Variants in SLC25A33 observed in about 807,000 individuals in gnomAD.
SLC25A33 encodes the protein bone marrow stromal cell mitochondrial carrier protein.
Under a neutral mutation model 35.5 loss-of-function variants are expected in SLC25A33, and 15 were observed. The observed-to-expected ratio is 0.42, with a 90% CI of 0.28 to 0.65. The LOEUF (loss-of-function observed/expected upper bound fraction) is 0.65. Among genes scored for constraint, SLC25A33 ranks in the 30% least tolerant of loss-of-function variants. The pLI, the probability that SLC25A33 is intolerant of heterozygous loss-of-function variation, is 0.20. For synonymous variants in SLC25A33, 136 were observed against 148.7 expected, an observed-to-expected ratio of 0.91 and a Z score of 0.62; for missense variants, 257 against 398.5, an observed-to-expected ratio of 0.64 and a Z score of 3.02.
At chr1:9,565,188 C>T (rs992828589) in intron 2 of SLC25A33, among the ~76,000 whole-genome samples, 2 of 152,058 alleles carry the variant, frequency 1.3e-5, no homozygotes, top group South Asian at 2.1e-4. Context: ...GTGATGGTTG[C>T]ACAACAGTGT....
chr1:9,566,061 A>G (rs774609505), intron 2 of SLC25A33, among the ~76,000 whole-genome samples: 2 of 151,822 alleles, frequency 1.3e-5, no homozygotes, highest in Non-Finnish European at 2.9e-5. Context: ...TTTTTGAGAC[A>G]AGGGGTCTCT....
Position 9,582,735 on chromosome 1 carries a change from C to T in SLC25A33, c.*234C>T. 1 of 509,576 alleles carries T rather than the reference C, an allele frequency of 2.0e-6. No individual in the cohort carries two copies. Among genetic ancestry groups the T allele is most frequent in the Non-Finnish European group, 3.4e-6 (1 of 290,434 alleles). The allele number at this position is 509,576 out of a possible 1,614,324, so 31.6% of individuals were successfully genotyped here. ...TAACTTAAGAGGATTCAGGGTTAAGCACCAACTAAATTAAATCATGCTATT... is the reference window on the plus strand; with the variant it reads ...TAACTTAAGAGGATTCAGGGTTAAGTACCAACTAAATTAAATCATGCTATT... On this transcript the variant is annotated 3_prime_UTR_variant, in exon 7 of 7. Transcript: ENST00000302692. This position sits in a 1 kb window ranked among gnomAD's most constrained non-coding sequence, Gnocchi z 4.0.
chr1:9,546,261 T>C (rs1476409805), intron 1 of SLC25A33, among the ~76,000 whole-genome samples: 1 of 141,350 alleles, frequency 7.1e-6, no homozygotes, highest in Non-Finnish European at 1.5e-5. Context: ...CTCGGCTCAC[T>C]GCAAACTCCA....
At chr1:9,539,882 G>C (rs1041487070) in intron 1 of SLC25A33, 135 bp downstream of exon 1, 1 of 805,796 alleles carries the variant, frequency 1.2e-6, no homozygotes, top group African/African-American at 1.9e-5. Flanking sequence ...GGAGGAGGAA[G>C]TCCCGGCGTC....
chr1:9,579,384 C>T (rs1643706213), intron 5 of SLC25A33, among the ~76,000 whole-genome samples: 1 of 151,406 alleles, frequency 6.6e-6, no homozygotes, highest in Admixed American at 6.6e-5. Context: ...TCTGAACGAC[C>T]AGCTTCAAGT....
At chr1:9,560,273 GAAAA>G in intron 2 of SLC25A33, among the ~76,000 whole-genome samples, 1 of 147,688 alleles carries the variant, frequency 6.8e-6, no homozygotes, top group South Asian at 2.2e-4. Context: ...AAAGAGAAAA[GAAAA>G]AAAACCCATG....
intron 2 of SLC25A33, among the ~76,000 whole-genome samples, chr1:9,561,538 C>T (rs938572719): frequency 2.6e-5 from 4 of 151,740 alleles, no homozygotes; most frequent in African/African-American, 9.7e-5. Flanking sequence ...CTTAATTGTT[C>T]CAGAAAAGTT....
chr1:9,568,375 C>G (rs982115529), intron 3 of SLC25A33, among the ~76,000 whole-genome samples: 2 of 152,042 alleles, frequency 1.3e-5, no homozygotes, highest in Admixed American at 6.6e-5. Flanking sequence ...CAGTGGGAGG[C>G]AGAGGTTGCA....
intron 2 of SLC25A33, among the ~76,000 whole-genome samples, chr1:9,564,544 A>G (rs1454701319): frequency 6.6e-6 from 1 of 151,848 alleles, no homozygotes; most frequent in Non-Finnish European, 1.5e-5. Flanking sequence ...GTGAATGGAT[A>G]ATAAAATGTG....
chr1:9,577,027 A>G, intron 5 of SLC25A33: 1 of 858,772 alleles, frequency 1.2e-6, no homozygotes. Flanking sequence ...ATGCTGGATG[A>G]TTCCTAAGAC....
intron 6 of SLC25A33, among the ~76,000 whole-genome samples, chr1:9,580,854 CAA>C (rs200156885): frequency 7.2e-6 from 1 of 139,392 alleles, no homozygotes; most frequent in African/African-American, 2.8e-5. Context: ...GACTCTGTCT[CAA>C]AAAAAAAAAA....
intron 2 of SLC25A33, among the ~76,000 whole-genome samples, chr1:9,562,924 T>TTC (rs1643445816): frequency 6.8e-6 from 1 of 147,974 alleles, no homozygotes; most frequent in East Asian, 1.9e-4. Flanking sequence ...AATAGCTTTT[T>TTC]TTTTTTTTTT....
chr1:9,575,742 G>A lies in SLC25A33; in HGVS notation c.482+2330G>A, dbSNP rs558751888. 9.2e-5 allele frequency among the ~76,000 whole-genome samples: 14 copies of A among 152,252 alleles called. No homozygotes were observed. In the South Asian group the frequency reaches 2.1e-3, roughly 23 times the overall value. ...GCATGAGTCACTTGACTCCAAGTTCGCCCAATCAATCTATTCTGCCCAAAA... is the reference window on the plus strand; with the variant it reads ...GCATGAGTCACTTGACTCCAAGTTCACCCAATCAATCTATTCTGCCCAAAA... On this transcript the variant is annotated intron_variant, in intron 5 of 6. Coordinates refer to ENST00000302692, the MANE Select transcript of SLC25A33 (RefSeq NM_032315.3).
At chr1:9,564,739 A>AAAATATATATATATATAT (rs60174872) in intron 2 of SLC25A33, among the ~76,000 whole-genome samples, 19 of 96,530 alleles carry the variant, frequency 2.0e-4, no homozygotes, top group South Asian at 9.4e-4. Flanking sequence ...AAAAAAAAAA[A>AAAATATATATATATATAT]ATATATATAT....
intron 1 of SLC25A33, 112 bp from the exon 2 acceptor site, chr1:9,553,514 T>G: frequency 1.6e-6 from 2 of 1,239,814 alleles, no homozygotes; most frequent in Non-Finnish European, 2.3e-6. Flanking sequence ...ATTACAGGCG[T>G]GAGCCACCGC....
At chr1:9,547,800 AACTTTT>A (rs1643202582) in intron 1 of SLC25A33, among the ~76,000 whole-genome samples, 1 of 151,254 alleles carries the variant, frequency 6.6e-6, no homozygotes, top group African/African-American at 2.4e-5. Context: ...GTGGCCTTCA[AACTTTT>A]TTTTTTTTTT....
chr1:9,544,366 T>G (rs1643137031), intron 1 of SLC25A33, among the ~76,000 whole-genome samples: 1 of 151,352 alleles, frequency 6.6e-6, no homozygotes, highest in African/African-American at 2.4e-5. Context: ...CCTCCCGGGT[T>G]CAAGCAATTC....
chr1:9,568,781 G>A (rs1047765066), intron 3 of SLC25A33, among the ~76,000 whole-genome samples: 2 of 152,030 alleles, frequency 1.3e-5, no homozygotes, highest in African/African-American at 4.8e-5. Context: ...AACCCGGGAG[G>A]CGGAGCTTGC....
rs1643752940 is a variant in SLC25A33, at chr1:9,582,027, G to A, written c.764-272G>A. Among the ~76,000 whole-genome samples the A allele has an allele frequency of 1.3e-5, 2 of 152,102 alleles. No homozygotes were observed. Among genetic ancestry groups the A allele is most frequent in the Non-Finnish European group, 1.5e-5 (1 of 68,014 alleles). ...CGACCTTCACCTCCCAGGTTCAAGCGATCCTCATTCCTCAGCCACTCTAGT... is the reference window on the plus strand; with the variant it reads ...CGACCTTCACCTCCCAGGTTCAAGCAATCCTCATTCCTCAGCCACTCTAGT... On this transcript the variant is annotated intron_variant, in intron 6 of 6. Transcript: ENST00000302692. The surrounding 1 kb of genome is among the most constrained non-coding windows in gnomAD (Gnocchi z 4.0).
Sources: allele counts gnomAD v4.1 joint callset (sites outside exome capture counted in the v4.1 genomes callset), GRCh38; gene constraint gnomAD v4.1.1; non-coding constraint Gnocchi (gnomAD v3.1); transcripts MANE v1.5; gene names NCBI Gene and HGNC (gene_info 2026-07-23, HGNC 2026-07-21).